The following PROS1 variants were observed in gnomAD, a reference collection of about 807,000 sequenced individuals.
PROS1 encodes the protein protein S, also known as vitamin K-dependent protein S.
Under a neutral mutation model 75.9 loss-of-function variants are expected in PROS1, and 29 were observed. The observed-to-expected ratio is 0.38, with a 90% CI of 0.28 to 0.52. The LOEUF (loss-of-function observed/expected upper bound fraction) is 0.52. PROS1 is among the 20% of genes least tolerant of loss of function. PROS1 has a pLI of 0.83. For synonymous variants in PROS1, 245 were observed against 280.6 expected (o/e 0.87, Z 1.27); for missense variants, 680 against 810.3 (o/e 0.84, Z 1.95).
At chr3:93,928,263 C>G (rs1423702814) in intron 1 of PROS1, among the ~76,000 whole-genome samples, 2 of 149,242 alleles carry the variant, frequency 1.3e-5, no homozygotes, top group Non-Finnish European at 3.0e-5. Context: ...TGCAGGAATT[C>G]AAGGTTACAG....
Position 93,927,913 on chromosome 3 carries a change from G to GTA in PROS1, c.77-508_77-507dup, listed in dbSNP as rs1196387935. Among the ~76,000 whole-genome samples, 64 of 128,336 alleles carry GTA rather than the reference G, an allele frequency of 5.0e-4. No individual in the cohort carries two copies. In the East Asian group the frequency reaches 0.01, roughly 21 times the overall value. 84.2% of individuals were successfully genotyped at this position (128,336 alleles called of 152,430 possible). On this transcript the variant is annotated intron_variant, in intron 1 of 14. Coordinates refer to ENST00000394236, the MANE Select transcript of PROS1 (RefSeq NM_000313.4). ...TATATATATATATGTGTGTGTGTGT[G>GTA]TATATATATATGTGTATATATATAT... is the stretch of plus-strand genomic sequence containing the variant.
At chr3:93,968,801 G>A (rs1167547210) in intron 1 of PROS1, among the ~76,000 whole-genome samples, 1 of 151,992 alleles carries the variant, frequency 6.6e-6, no homozygotes, top group Non-Finnish European at 1.5e-5. Flanking sequence ...TAGTGTTGTT[G>A]CCACATACTA....
intron 12 of PROS1, 61 bp downstream of exon 12, chr3:93,884,667 T>C (rs1181892229): frequency 4.7e-6 from 7 of 1,492,272 alleles, no homozygotes; most frequent in East Asian, 2.3e-5. Context: ...ATTATTACTG[T>C]TTGTTAATGA....
Position 93,910,613 on chromosome 3 carries a change from G to A in PROS1, c.346+6C>T. On this transcript the variant is annotated splice_donor_region_variant and intron_variant, in intron 4 of 14. Coordinates refer to ENST00000394236, the MANE Select transcript of PROS1 (RefSeq NM_000313.4). ...TGTTTTTTCAATTGATGGTAGAAGT[G>A]CTTACCATTGACACAGCTTCTTAGG... 6.2e-7 allele frequency: 1 copy of A among 1,604,830 alleles called. No individual in the cohort carries two copies.
At chr3:93,952,874 C>T (rs1189823537) in intron 1 of PROS1, among the ~76,000 whole-genome samples, 1 of 152,046 alleles carries the variant, frequency 6.6e-6, no homozygotes, top group Non-Finnish European at 1.5e-5. Flanking sequence ...CAAATAGACA[C>T]AATAAAAAAT....
Position 93,877,899 on chromosome 3 carries a change from T to C in PROS1, c.1645-708A>G, listed in dbSNP as rs1263233236. On this transcript the variant is annotated intron_variant, in intron 13 of 14. Transcript: ENST00000394236. Reference sequence around the variant, plus strand: ...TTTATTTAGGAATCCAAGATACCTATTTTAAGTGAAAAGACTAACTTTGCA... The same window carrying C: ...TTTATTTAGGAATCCAAGATACCTACTTTAAGTGAAAAGACTAACTTTGCA... 3.3e-5 allele frequency among the ~76,000 whole-genome samples: 5 copies of C among 152,348 alleles called. No individual in the cohort carries two copies. In the South Asian group the frequency reaches 1.0e-3, roughly 32 times the overall value.
At chr3:93,899,470 AT>A (rs1490208264) in intron 7 of PROS1, among the ~76,000 whole-genome samples, 2 of 152,172 alleles carry the variant, frequency 1.3e-5, no homozygotes, top group East Asian at 3.8e-4. Flanking sequence ...AGAGTCATAT[AT>A]AAATCTTTTT....
At chr3:93,876,588 C>CAAAAAAAAAAAAA (rs34147087) in intron 14 of PROS1, among the ~76,000 whole-genome samples, 1 of 34,990 alleles carries the variant, frequency 2.9e-5, no homozygotes. Context: ...GACTCCATCT[C>CAAAAAAAAAAAAA]AAAAAAAAAA....
intron 3 of PROS1, among the ~76,000 whole-genome samples, chr3:93,913,102 G>A (rs1323544286): frequency 2.0e-5 from 3 of 152,176 alleles, no homozygotes; most frequent in African/African-American, 4.8e-5. Context: ...AATCAGGGGG[G>A]CGATTTTCCC....
At position 93,906,065 on chromosome 3, in the gene PROS1, G is replaced by A; in HGVS notation, c.425C>T (p.Thr142Ile). ...MSCKDGKASF[T>I]CTCKPGWQGE... The stretch of plus-strand genomic sequence containing the variant: ...TTGCCAACCTGGTTTACAAGTGCAA[G>A]TAAAAGAAGCTTTTCCATCTTTGCA... Residue 142 changes from threonine (T) to isoleucine (I), a missense_variant, in exon 5 of 15, where the codon ACT becomes ATT. Physicochemically the swap from Thr to Ile is moderately conservative, Grantham distance 89 (BLOSUM62 -1). Coordinates refer to ENST00000394236, the MANE Select transcript of PROS1 (RefSeq NM_000313.4). The A allele has an allele frequency of 2.5e-6, 4 of 1,614,098 alleles. No individual in the cohort carries two copies. The highest frequency in any genetic ancestry group is 3.4e-6 in the Non-Finnish European group (4 of 1,180,022).
At chr3:93,939,629 A>G (rs1709249875) in intron 1 of PROS1, among the ~76,000 whole-genome samples, 1 of 152,178 alleles carries the variant, frequency 6.6e-6, no homozygotes, top group Non-Finnish European at 1.5e-5. Context: ...AGGCATAGTC[A>G]AGGTTAATGC....
intron 1 of PROS1, among the ~76,000 whole-genome samples, chr3:93,965,528 C>T (rs1482722446): frequency 6.6e-6 from 1 of 152,060 alleles, no homozygotes; most frequent in African/African-American, 2.4e-5. Flanking sequence ...ACTGCATGGC[C>T]GAAGATTACA....
chr3:93,953,734 A>C (rs1253705483), intron 1 of PROS1, among the ~76,000 whole-genome samples: 1 of 152,198 alleles, frequency 6.6e-6, no homozygotes, highest in African/African-American at 2.4e-5. Context: ...CAGGGCAATC[A>C]GGCAGGAGAA....
At chr3:93,899,332 A>G (rs1708550459) in intron 7 of PROS1, among the ~76,000 whole-genome samples, 1 of 152,100 alleles carries the variant, frequency 6.6e-6, no homozygotes, top group African/African-American at 2.4e-5. Flanking sequence ...GATATGCCCT[A>G]TGACCTTTAA....
intron 8 of PROS1, among the ~76,000 whole-genome samples, chr3:93,896,970 C>T (rs558550043): frequency 5.3e-5 from 8 of 152,172 alleles, no homozygotes; most frequent in East Asian, 1.9e-4. Flanking sequence ...TGCAAATTTT[C>T]GTCCTAAACA....
In PROS1 at chr3:93,900,853, A is replaced by G. The variant is rs771424094; in HGVS notation, c.678T>C (p.Cys226=). 3.1e-6 allele frequency: 5 copies of G among 1,613,930 alleles called. No individual in the cohort carries two copies. The highest frequency in any genetic ancestry group is 3.4e-6 in the Non-Finnish European group (4 of 1,180,014). The change falls in exon 7 of 15, where the codon TGT becomes TGC. Residue 226 remains cysteine, a synonymous_variant. Transcript: ENST00000394236. Reference sequence around the variant, plus strand: ...TATATCTGTAGCCTTCGGGGCATTCACATTCAAAATCTCCTGGGATGTTCT... The same window carrying G: ...TATATCTGTAGCCTTCGGGGCATTCGCATTCAAAATCTCCTGGGATGTTCT... ...VCKNIPGDFE[C]ECPEGYRYNL...
chr3:93,874,286 G>A lies in PROS1; in HGVS notation c.1990C>T (p.His664Tyr), dbSNP rs147324335. ...AISKHNDIRA[H>Y]SCPSVWKKTK... ...TTTTTCCAAACTGATGGACATGAGTGAGCTCTAATATCATTATGTTTAGAA... is the reference window on the plus strand; with the variant it reads ...TTTTTCCAAACTGATGGACATGAGTAAGCTCTAATATCATTATGTTTAGAA... The change falls in exon 15 of 15, where the codon CAC becomes TAC. Residue 664 changes from histidine to tyrosine, a missense_variant. His to Tyr is a moderately conservative substitution (Grantham distance 83). Coordinates refer to ENST00000394236, the MANE Select transcript of PROS1 (RefSeq NM_000313.4). 3 of 1,613,442 alleles carry A rather than the reference G, an allele frequency of 1.9e-6. No homozygotes were observed. Among genetic ancestry groups the A allele is most frequent in the African/African-American group, 2.7e-5 (2 of 75,018 alleles).
Position 93,909,894 on chromosome 3 carries a change from A to T in PROS1, c.346+725T>A, listed in dbSNP as rs1308082803. On this transcript the variant is annotated intron_variant, in intron 4 of 14. Coordinates refer to ENST00000394236, the MANE Select transcript of PROS1 (RefSeq NM_000313.4). ...ATAGAAAATTTTTATCAAAATTATTATTATTCTGTTCTTTCGTAAATTTTA... is the reference window on the plus strand; with the variant it reads ...ATAGAAAATTTTTATCAAAATTATTTTTATTCTGTTCTTTCGTAAATTTTA... 2.0e-5 allele frequency among the ~76,000 whole-genome samples: 3 copies of T among 152,154 alleles called. No individual in the cohort carries two copies. The East Asian group carries it at 5.8e-4, about 29-fold the overall frequency.
At chr3:93,892,760 G>A (rs1030821345) in intron 10 of PROS1, among the ~76,000 whole-genome samples, 173 bp downstream of exon 10, 2 of 152,086 alleles carry the variant, frequency 1.3e-5, no homozygotes, top group African/African-American at 4.8e-5. Context: ...AATATATTAA[G>A]TGAGAATATT....
Sources: allele counts gnomAD v4.1 joint callset (sites outside exome capture counted in the v4.1 genomes callset), GRCh38; gene constraint gnomAD v4.1.1; transcripts MANE v1.5; gene names NCBI Gene and HGNC (gene_info 2026-07-23, HGNC 2026-07-21).